Variants in GRM5 observed in about 807,000 individuals in gnomAD.
The protein encoded by GRM5 is metabotropic glutamate receptor 5.
A neutral mutation model predicts 83.1 loss-of-function variants in GRM5; 19 were observed. The observed-to-expected ratio is 0.23, with a 90% CI of 0.16 to 0.34. The LOEUF (loss-of-function observed/expected upper bound fraction) is 0.34. Among genes scored for constraint, GRM5 ranks in the 10% least tolerant of loss-of-function variants. The pLI, the probability that GRM5 is intolerant of heterozygous loss-of-function variation, is 1.00. For synonymous variants in GRM5, 675 were observed against 633.6 expected (o/e 1.07, Z -0.98); for missense variants, 1,160 against 1,588.3 (o/e 0.73, Z 4.58).
At chr11:88,855,635 A>G (rs1417845253) in intron 2 of GRM5, among the ~76,000 whole-genome samples, 1 of 151,960 alleles carries the variant, frequency 6.6e-6, no homozygotes, top group East Asian at 1.9e-4. Flanking sequence ...TTTTCTTAGG[A>G]AACATAGCTC....
chr11:88,722,979 A>AT (rs1185888312), intron 3 of GRM5, among the ~76,000 whole-genome samples: 1 of 149,054 alleles, frequency 6.7e-6, no homozygotes, highest in Non-Finnish European at 1.5e-5. Context: ...ACACAATAAA[A>AT]TTTCAGGCCC....
intron 6 of GRM5, among the ~76,000 whole-genome samples, chr11:88,593,687 A>AC (rs141562570): frequency 0.061 from 9,212 of 149,988 alleles, 314 homozygotes; most frequent in East Asian, 0.18. Context: ...AAAAAAAAAA[A>AC]CAAAAAATTC....
chr11:88,616,391 T>G (rs1315341480), intron 4 of GRM5, among the ~76,000 whole-genome samples: 1,291 of 5,620 alleles, frequency 0.23, 15 homozygotes, highest in African/African-American at 0.25. Context: ...TTTGGAGTGT[T>G]TTTTTTTTTT....
intron 9 of GRM5, chr11:88,522,785 C>G (rs532075340): frequency 1.3e-5 from 2 of 152,084 alleles, no homozygotes; most frequent in Admixed American, 6.6e-5. Flanking sequence ...ATGCATTATT[C>G]CCCTCTCCTC....
chr11:88,818,256 C>T (rs1014857910), intron 3 of GRM5, among the ~76,000 whole-genome samples: 1 of 151,950 alleles, frequency 6.6e-6, no homozygotes, highest in Admixed American at 6.5e-5. Flanking sequence ...GTTTACTTGC[C>T]ACCATTATTG....
At chr11:88,858,515 G>C (rs931466516) in intron 2 of GRM5, among the ~76,000 whole-genome samples, 1 of 151,968 alleles carries the variant, frequency 6.6e-6, no homozygotes, top group African/African-American at 2.4e-5. Context: ...AAGAGCAAAG[G>C]TACATGTTGA....
chr11:88,785,608 C>T (rs16914856), intron 3 of GRM5, among the ~76,000 whole-genome samples: 3,316 of 152,138 alleles, frequency 0.022, 43 homozygotes, highest in Middle Eastern at 0.054. Flanking sequence ...GATGTATTAT[C>T]CTCGGAGACA....
In GRM5 at chr11:89,012,835, C is replaced by T. The variant is rs148507312; in HGVS notation, c.661+34377G>A. 5.8e-4 allele frequency among the ~76,000 whole-genome samples: 88 copies of T among 152,304 alleles called. 1 individual carries two copies. The highest frequency in any genetic ancestry group is 2.1e-3 in the African/African-American group (86 of 41,572). On this transcript the variant is annotated intron_variant, in intron 2 of 9. Transcript: ENST00000305447. The stretch of plus-strand genomic sequence containing the variant: ...AACAATGTGAAGGAATCATTACATA[C>T]CGTTTGAATAGTTTCCTAAATTCAC...
At chr11:88,811,802 GC>G (rs143693685) in intron 3 of GRM5, among the ~76,000 whole-genome samples, 3,855 of 151,984 alleles carry the variant, frequency 0.025, 171 homozygotes, top group African/African-American at 0.089. Context: ...ATCACACCCT[GC>G]CCCTTCCAGA....
At chr11:88,868,022 C>T (rs886772715) in intron 2 of GRM5, among the ~76,000 whole-genome samples, 1 of 151,896 alleles carries the variant, frequency 6.6e-6, no homozygotes, top group Non-Finnish European at 1.5e-5. Flanking sequence ...TGGCCTTTGC[C>T]ATATATAGAC....
At chr11:88,720,566 C>G (rs1243923836) in intron 3 of GRM5, among the ~76,000 whole-genome samples, 1 of 152,100 alleles carries the variant, frequency 6.6e-6, no homozygotes, top group African/African-American at 2.4e-5. Context: ...ATAGTCAAAA[C>G]AGTTTTAGCT....
chr11:88,559,801 C>T (rs973837170), intron 8 of GRM5, among the ~76,000 whole-genome samples: 9 of 152,052 alleles, frequency 5.9e-5, no homozygotes, highest in African/African-American at 1.7e-4. Flanking sequence ...GTGTCTGTGG[C>T]GAGTCTAGAG....
At chr11:88,896,456 G>C (rs1432749108) in intron 2 of GRM5, among the ~76,000 whole-genome samples, 1 of 151,628 alleles carries the variant, frequency 6.6e-6, no homozygotes, top group African/African-American at 2.4e-5. Context: ...GTATTTTAGG[G>C]TTCAACAGAG....
At position 88,509,125 on chromosome 11, in the gene GRM5, C is replaced by T. The variant is rs1282877671; in HGVS notation, c.3106G>A (p.Asp1036Asn). The T allele has an allele frequency of 1.3e-6, 2 of 1,544,116 alleles. No homozygotes were observed. Among genetic ancestry groups the T allele is most frequent in the Non-Finnish European group, 8.7e-7 (1 of 1,145,220 alleles). Reference sequence around the variant, plus strand: ...GAGTGCAGCGACGGCACATCGTCGTCCGTGCGGCTGGCCGAGCCCGCGCGG... The same window carrying T: ...GAGTGCAGCGACGGCACATCGTCGTTCGTGCGGCTGGCCGAGCCCGCGCGG... ...SHRAGSASRT[D>N]DDVPSLHSEP... The change falls in exon 10 of 10, where the codon GAC becomes AAC. Residue 1036 changes from aspartate to asparagine, a missense_variant. Coordinates refer to ENST00000305447, the MANE Select transcript of GRM5 (RefSeq NM_001143831.3).
intron 3 of GRM5, among the ~76,000 whole-genome samples, chr11:88,774,943 G>C (rs577459962): frequency 3.3e-5 from 5 of 152,200 alleles, no homozygotes; most frequent in Admixed American, 6.5e-5. Context: ...TTGGTATCAG[G>C]ATGATGCTGG....
intron 2 of GRM5, among the ~76,000 whole-genome samples, chr11:88,894,643 A>G (rs191597892): frequency 2.9e-4 from 43 of 147,148 alleles, no homozygotes; most frequent in African/African-American, 1.0e-3. Context: ...AATCGGTTTT[A>G]TCTTCACTGC....
chr11:88,892,130 T>C (rs2135586077), intron 2 of GRM5, among the ~76,000 whole-genome samples: 1 of 150,252 alleles, frequency 6.7e-6, no homozygotes, highest in African/African-American at 2.4e-5. Flanking sequence ...GGCAATATAG[T>C]TGTTTGCATC....
intron 1 of GRM5, among the ~76,000 whole-genome samples, chr11:89,061,319 C>T (rs1243967076): frequency 6.6e-6 from 1 of 152,012 alleles, no homozygotes; most frequent in African/African-American, 2.4e-5. Flanking sequence ...AATGATCAAC[C>T]TCATCTCACA....
Position 89,040,343 on chromosome 11 carries a change from C to G in GRM5, c.661+6869G>C, listed in dbSNP as rs562042337. 4.6e-5 allele frequency among the ~76,000 whole-genome samples: 7 copies of G among 151,950 alleles called. No homozygotes were observed. In the South Asian group the frequency reaches 1.5e-3, roughly 32 times the overall value. The stretch of plus-strand genomic sequence containing the variant: ...GATAATGACCAGACTTACAGAAGAG[C>G]CTGCAAAAACAAAAACAAAACAAAA... On this transcript the variant is annotated intron_variant, in intron 2 of 9. Coordinates refer to ENST00000305447, the MANE Select transcript of GRM5 (RefSeq NM_001143831.3).
Sources: gnomAD v4.1 joint callset for allele counts (sites outside exome capture counted in the v4.1 genomes callset) on GRCh38, gnomAD v4.1.1 for gene constraint, MANE v1.5 for transcripts, NCBI Gene and HGNC (gene_info 2026-07-23, HGNC 2026-07-21) for gene names.